The following CTIF variants were observed in gnomAD, a reference collection of about 807,000 sequenced individuals.
The protein encoded by CTIF is CBP80/20-dependent translation initiation factor.
CTIF carries 21 observed loss-of-function variants against 66.0 expected under a neutral mutation model. The ratio of observed to expected loss-of-function variants is 0.32; its 90% CI spans 0.23 to 0.46. The LOEUF is 0.46. Among genes scored for constraint, CTIF ranks in the 20% least tolerant of loss-of-function variants. CTIF has a pLI of 1.00. For missense variants in CTIF, 739 were observed against 812.7 expected (o/e 0.91, Z 1.10); for synonymous variants, 345 against 326.4 (o/e 1.06, Z -0.62).
At chr18:48,664,637 G>C (rs1598828656) in intron 5 of CTIF, 86 bp downstream of exon 5, 2 of 1,161,684 alleles carry the variant, frequency 1.7e-6, no homozygotes, top group African/African-American at 3.0e-5. Flanking sequence ...CTGCTCTGCT[G>C]CACAGGGGAC....
chr18:48,758,416 T>C lies in CTIF; in HGVS notation c.1071+11T>C. 6.4e-7 allele frequency: 1 copy of C among 1,561,250 alleles called. No homozygotes were observed. The highest frequency in any genetic ancestry group is 8.7e-7 in the Non-Finnish European group (1 of 1,155,560). ...AGGCTAAAGGAAAAGGTACCGGTAA[T>C]TGAATTTTTGTTCTTCTCTTGCACC... On this transcript the variant is annotated intron_variant, in intron 8 of 11. Transcript: ENST00000256413.
At chr18:48,817,184 C>G (rs1405520372) in intron 9 of CTIF, 37 bp from the exon 10 acceptor site, 1 of 1,598,350 alleles carries the variant, frequency 6.3e-7, no homozygotes, top group African/African-American at 1.3e-5. Context: ...CCCTCCCCAG[C>G]CCCGGGAGGC....
chr18:48,576,059 T>C (rs2143729762), intron 1 of CTIF, among the ~76,000 whole-genome samples: 1 of 152,358 alleles, frequency 6.6e-6, no homozygotes, highest in Non-Finnish European at 1.5e-5. Flanking sequence ...TGCAGGCTTG[T>C]GGATTGTCCC....
At chr18:48,715,217 G>A (rs918374985) in intron 7 of CTIF, among the ~76,000 whole-genome samples, 3 of 151,956 alleles carry the variant, frequency 2.0e-5, no homozygotes, top group Non-Finnish European at 4.4e-5. Flanking sequence ...CATGGGCTGC[G>A]TCTAGTGAAT....
intron 1 of CTIF, among the ~76,000 whole-genome samples, chr18:48,614,656 C>T (rs1313737036): frequency 6.6e-6 from 1 of 152,022 alleles, no homozygotes; most frequent in Non-Finnish European, 1.5e-5. Flanking sequence ...ATAGGAGGTA[C>T]CTGGAATAGG....
chr18:48,832,780 C>T (rs557206828), intron 10 of CTIF, among the ~76,000 whole-genome samples: 1 of 152,322 alleles, frequency 6.6e-6, no homozygotes, highest in East Asian at 1.9e-4. Context: ...AACGCAAACA[C>T]ACTTGTGGAA....
chr18:48,630,952 C>G (rs913183950), intron 2 of CTIF, among the ~76,000 whole-genome samples: 13 of 152,144 alleles, frequency 8.5e-5, no homozygotes, highest in African/African-American at 2.9e-4. Context: ...GCTGGGATTA[C>G]AGGCATGAGC....
At chr18:48,698,295 G>T (rs552510563) in intron 6 of CTIF, among the ~76,000 whole-genome samples, 4 of 152,020 alleles carry the variant, frequency 2.6e-5, no homozygotes, top group African/African-American at 9.6e-5. Flanking sequence ...GGAACCTGTC[G>T]CAGGAGATGC....
chr18:48,579,424 G>T (rs1402324384), intron 1 of CTIF, among the ~76,000 whole-genome samples: 1 of 152,218 alleles, frequency 6.6e-6, no homozygotes, highest in South Asian at 2.1e-4. Context: ...GGGATGACAG[G>T]TGTGAGCCAC....
At chr18:48,645,201 C>T (rs777057941) in intron 3 of CTIF, among the ~76,000 whole-genome samples, 2 of 138,162 alleles carry the variant, frequency 1.4e-5, no homozygotes, top group Non-Finnish European at 3.0e-5. Context: ...ACCTGAGGAA[C>T]GACACAGCGA....
chr18:48,707,676 G>T (rs2092175424), intron 6 of CTIF, among the ~76,000 whole-genome samples: 1 of 150,662 alleles, frequency 6.6e-6, no homozygotes, highest in Admixed American at 6.6e-5. Context: ...CCTCTACCTG[G>T]AATACACCAC....
At chr18:48,709,499 C>A (rs776051610) in intron 6 of CTIF, among the ~76,000 whole-genome samples, 9 of 152,256 alleles carry the variant, frequency 5.9e-5, no homozygotes, top group Non-Finnish European at 8.8e-5. Flanking sequence ...ACCCCCTGGG[C>A]TCGTGTTACA....
At chr18:48,613,398 G>C (rs1479355377) in intron 1 of CTIF, among the ~76,000 whole-genome samples, 2 of 152,108 alleles carry the variant, frequency 1.3e-5, no homozygotes, top group Non-Finnish European at 2.9e-5. Context: ...ACCCCTTCCA[G>C]AACACTAGTT....
intron 6 of CTIF, among the ~76,000 whole-genome samples, chr18:48,675,541 T>C (rs1176109258): frequency 2.0e-5 from 3 of 152,220 alleles, no homozygotes; most frequent in Non-Finnish European, 4.4e-5. Flanking sequence ...GCGCTGCACA[T>C]GCACACTGTC....
chr18:48,730,638 C>CCCTGCTGTGTGAGGGGCTT (rs2092443936), intron 7 of CTIF, among the ~76,000 whole-genome samples: 2 of 92,802 alleles, frequency 2.2e-5, no homozygotes, highest in African/African-American at 9.1e-5. Context: ...GTGAGGGGCC[C>CCCTGCTGTGTGAGGGGCTT]CTGTGGTGTG....
chr18:48,599,188 G>A (rs1460109102), intron 1 of CTIF, among the ~76,000 whole-genome samples: 1 of 152,062 alleles, frequency 6.6e-6, no homozygotes, highest in East Asian at 1.9e-4. Context: ...ATTGGCCCAG[G>A]GTGTGGCCGG....
At chr18:48,844,309 A>T (rs776055229) in intron 10 of CTIF, among the ~76,000 whole-genome samples, 137 of 152,308 alleles carry the variant, frequency 9.0e-4, no homozygotes, top group Non-Finnish European at 1.3e-3. Context: ...CTGTGAACAG[A>T]ACTAGCCCCT....
chr18:48,824,575 G>C (rs4939565), intron 10 of CTIF, among the ~76,000 whole-genome samples: 59,149 of 151,572 alleles, frequency 0.39, 12,162 homozygotes, highest in South Asian at 0.52. Flanking sequence ...CTTACTTAAA[G>C]TCCTTTGTTG....
chr18:48,579,888 C>G lies in CTIF; in HGVS notation c.-28-39650C>G, dbSNP rs552491998. Among the ~76,000 whole-genome samples the G allele has an allele frequency of 5.6e-4, 86 of 152,300 alleles. 3 individuals are homozygous for G. In the South Asian group the frequency reaches 0.017, roughly 30 times the overall value. ...ACTCCCAAATCAGGTGTAAACTTTCCTAGTCATGACCCTCTTGGAGACCCT... is the reference window on the plus strand; with the variant it reads ...ACTCCCAAATCAGGTGTAAACTTTCGTAGTCATGACCCTCTTGGAGACCCT... On this transcript the variant is annotated intron_variant, in intron 1 of 11. Transcript: ENST00000256413.
Sources: allele counts gnomAD v4.1 joint callset (sites outside exome capture counted in the v4.1 genomes callset), GRCh38; gene constraint gnomAD v4.1.1; transcripts MANE v1.5; gene names NCBI Gene and HGNC (gene_info 2026-07-23, HGNC 2026-07-21).